CSMD1: variants seen among roughly 807,000 people sequenced by gnomAD.
CSMD1 encodes CUB and sushi domain-containing protein 1.
Under a neutral mutation model 417.5 loss-of-function variants are expected in CSMD1, and 213 were observed. The observed-to-expected ratio is 0.51, with a 90% CI of 0.46 to 0.57. The LOEUF (loss-of-function observed/expected upper bound fraction) is 0.57, where lower values mean the gene tolerates loss of function less well. Ranked by LOEUF, CSMD1 falls within the 20% of genes least tolerant of loss-of-function variation. The probability of loss-of-function intolerance (pLI) is 0.00; values close to 1 mark genes in which losing one functional copy is unlikely to be tolerated. For synonymous variants in CSMD1, 2,862 were observed against 1,736.8 expected (o/e 1.65, Z -16.11); for missense variants, 6,923 against 4,529.7 (o/e 1.53, Z -15.17).
At chr8:4,869,851 C>A (rs1044109403) in intron 1 of CSMD1, among the ~76,000 whole-genome samples, 1 of 151,864 alleles carries the variant, frequency 6.6e-6, no homozygotes, top group African/African-American at 2.4e-5. Context: ...TTCTCTCTCT[C>A]TTTTTTATAT....
chr8:4,468,089 G>A (rs1381832720), intron 2 of CSMD1, among the ~76,000 whole-genome samples: 3 of 152,176 alleles, frequency 2.0e-5, no homozygotes, highest in Non-Finnish European at 4.4e-5. Context: ...GATCTGCACT[G>A]TTCTGATGAA....
intron 3 of CSMD1, among the ~76,000 whole-genome samples, chr8:4,099,814 C>G (rs528027391): frequency 6.6e-6 from 1 of 152,158 alleles, no homozygotes; most frequent in Non-Finnish European, 1.5e-5. Context: ...CTTTAAATCC[C>G]TGATTGTATC....
chr8:3,480,432 ACAAAT>A (rs374956272), intron 11 of CSMD1, among the ~76,000 whole-genome samples: 70 of 152,258 alleles, frequency 4.6e-4, no homozygotes, highest in African/African-American at 1.6e-3. Context: ...ACAAAACAAA[ACAAAT>A]ACACATAGAA....
At chr8:4,581,415 T>C (rs549189559) in intron 2 of CSMD1, among the ~76,000 whole-genome samples, 3 of 152,342 alleles carry the variant, frequency 2.0e-5, no homozygotes, top group East Asian at 3.9e-4. Flanking sequence ...CCAATTTTTA[T>C]CTTTTTGAGC....
At chr8:3,022,452 C>G (rs1258017675) in intron 51 of CSMD1, among the ~76,000 whole-genome samples, 1 of 152,250 alleles carries the variant, frequency 6.6e-6, no homozygotes, top group Non-Finnish European at 1.5e-5. Context: ...CCTGGGGATT[C>G]CAAGCCACTA....
chr8:3,788,340 C>A (rs1159707646), intron 5 of CSMD1, among the ~76,000 whole-genome samples: 4 of 151,996 alleles, frequency 2.6e-5, no homozygotes, highest in Non-Finnish European at 5.9e-5. Context: ...CTTTAGGTAC[C>A]CTGAGGTGTG....
chr8:3,877,010 T>A (rs1380635320), intron 5 of CSMD1, among the ~76,000 whole-genome samples: 1 of 152,244 alleles, frequency 6.6e-6, no homozygotes, highest in African/African-American at 2.4e-5. Flanking sequence ...TACTTTCATA[T>A]GAAATGTGAG....
chr8:4,974,762 T>C (rs1282243891), intron 1 of CSMD1, among the ~76,000 whole-genome samples: 1 of 152,164 alleles, frequency 6.6e-6, no homozygotes, highest in Non-Finnish European at 1.5e-5. Context: ...AGAAGGTGAT[T>C]TTTTGAGCCT....
At position 4,187,031 on chromosome 8, in the gene CSMD1, G is replaced by A. The variant is rs965970973; in HGVS notation, c.416-154932C>T. On this transcript the variant is annotated intron_variant, in intron 3 of 69. Transcript: ENST00000635120. Reference sequence around the variant, plus strand: ...TAACAAGTGTTCTTCTTCCTTTATAGAACAGTTTTAATGCCCATATAAATG... The same window carrying A: ...TAACAAGTGTTCTTCTTCCTTTATAAAACAGTTTTAATGCCCATATAAATG... Among the ~76,000 whole-genome samples, 12 of 152,038 alleles carry A rather than the reference G, an allele frequency of 7.9e-5. No homozygotes were observed. The East Asian group carries it at 1.5e-3, about 20-fold the overall frequency.
intron 5 of CSMD1, among the ~76,000 whole-genome samples, chr8:3,792,429 C>G (rs1799804775): frequency 6.6e-6 from 1 of 152,154 alleles, no homozygotes; most frequent in South Asian, 2.1e-4. Context: ...GTTATAAAAA[C>G]AAAGGCAAAA....
intron 21 of CSMD1, among the ~76,000 whole-genome samples, chr8:3,352,490 TTATC>T (rs1178444271): frequency 6.6e-6 from 1 of 152,086 alleles, no homozygotes; most frequent in African/African-American, 2.4e-5. Context: ...GTACAGGAAT[TTATC>T]TAATTTTGTT....
chr8:4,736,932 G>T (rs753584373), intron 1 of CSMD1, among the ~76,000 whole-genome samples: 2 of 152,040 alleles, frequency 1.3e-5, no homozygotes, highest in East Asian at 1.9e-4. Context: ...ATAATTCCTG[G>T]GGCTCAGTCA....
chr8:4,122,124 G>T (rs955710234), intron 3 of CSMD1, among the ~76,000 whole-genome samples: 4 of 151,942 alleles, frequency 2.6e-5, no homozygotes, highest in Admixed American at 2.6e-4. Flanking sequence ...GGATATCAGA[G>T]ATACTTACTA....
intron 1 of CSMD1, among the ~76,000 whole-genome samples, chr8:4,888,676 C>T (rs541813766): frequency 6.6e-6 from 1 of 152,178 alleles, no homozygotes; most frequent in South Asian, 2.1e-4. Context: ...CAAAAGAAAC[C>T]AGGGGTCCTT....
rs1409854781 is a variant in CSMD1 at position 3,904,651 on chromosome 8, T to TC, written c.818+93251_818+93252insG. Among the ~76,000 whole-genome samples the TC allele has an allele frequency of 6.6e-5, 10 of 151,240 alleles. No homozygotes were observed. In the South Asian group the frequency reaches 2.1e-3, roughly 32 times the overall value. ...TCTCGTTTTCTTTCTTTTTTTTTTT[T>TC]TTTGAGATGAAGTCTTACTCTGTCA... On this transcript the variant is annotated intron_variant, in intron 5 of 69. Transcript: ENST00000635120.
At chr8:4,307,825 G>A (rs1055590823) in intron 3 of CSMD1, among the ~76,000 whole-genome samples, 1 of 152,132 alleles carries the variant, frequency 6.6e-6, no homozygotes, top group African/African-American at 2.4e-5. Flanking sequence ...ATTATAATAT[G>A]ATGATTTAAC....
At chr8:3,669,553 A>G (rs1166106272) in intron 7 of CSMD1, among the ~76,000 whole-genome samples, 1 of 152,242 alleles carries the variant, frequency 6.6e-6, no homozygotes, top group Non-Finnish European at 1.5e-5. Flanking sequence ...TCAGGTTTTC[A>G]GAAGGAGGGG....
chr8:4,543,897 C>G (rs1797520570), intron 2 of CSMD1, among the ~76,000 whole-genome samples: 1 of 152,024 alleles, frequency 6.6e-6, no homozygotes, highest in African/African-American at 2.4e-5. Flanking sequence ...TGTGGAGCGC[C>G]TTTTCATATG....
At chr8:3,550,988 C>T (rs1339704845) in intron 10 of CSMD1, among the ~76,000 whole-genome samples, 1 of 152,152 alleles carries the variant, frequency 6.6e-6, no homozygotes, top group African/African-American at 2.4e-5. Flanking sequence ...CAGTCAGACC[C>T]CTTTCTCAAA....
Sources: allele counts gnomAD v4.1 joint callset (sites outside exome capture counted in the v4.1 genomes callset), GRCh38; gene constraint gnomAD v4.1.1; transcripts MANE v1.5; gene names NCBI Gene and HGNC (gene_info 2026-07-23, HGNC 2026-07-21).